Variants in RAPH1 observed in about 807,000 individuals in gnomAD.
The protein encoded by RAPH1 is Ras association (RalGDS/AF-6) and pleckstrin homology domains 1.
RAPH1 carries 18 observed loss-of-function variants against 88.1 expected under a neutral mutation model. The observed-to-expected ratio is 0.20, with a 90% CI of 0.14 to 0.30. RAPH1 has a LOEUF of 0.30. Ranked by LOEUF, RAPH1 falls within the 10% of genes least tolerant of loss-of-function variation. The probability of loss-of-function intolerance (pLI) is 1.00; values close to 1 mark genes in which losing one functional copy is unlikely to be tolerated. For synonymous variants in RAPH1, 587 were observed against 559.0 expected (o/e 1.05, Z -0.71); for missense variants, 1,448 against 1,543.2 (o/e 0.94, Z 1.03).
intron 5 of RAPH1, 60 bp downstream of exon 5, chr2:203,461,788 C>A: frequency 1.6e-6 from 2 of 1,278,976 alleles, no homozygotes; most frequent in Non-Finnish European, 2.2e-6. Flanking sequence ...CAAGGCAATT[C>A]TTCACAAATC....
At chr2:203,444,820 A>C in intron 13 of RAPH1, 48 bp downstream of exon 13, 1 of 1,586,844 alleles carries the variant, frequency 6.3e-7, no homozygotes, top group Non-Finnish European at 8.6e-7. Context: ...ATTTAAACCC[A>C]AAAGAATACC....
chr2:203,461,384 C>T lies in RAPH1; in HGVS notation c.835G>A (p.Asp279Asn). Reference sequence around the variant, plus strand: ...ACCATCATTGTTTTAGAACTGTCATCAGACATGTGGACTCTGATCACCAGC... The same window carrying T: ...ACCATCATTGTTTTAGAACTGTCATTAGACATGTGGACTCTGATCACCAGC... ...KKLVIRVHMS[D>N]DSSKTMMVDE... The change falls in exon 6 of 14, where the codon GAT (aspartate) becomes AAT (asparagine). Residue 279 changes from aspartate (D) to asparagine (N), a missense_variant. Asp to Asn is a conservative substitution (Grantham distance 23). Coordinates refer to ENST00000319170, the MANE Select transcript of RAPH1 (RefSeq NM_213589.3). 1.2e-6 allele frequency: 2 copies of T among 1,607,138 alleles called. No homozygotes were observed. Among genetic ancestry groups the T allele is most frequent in the East Asian group, 2.2e-5 (1 of 44,450 alleles).
intron 4 of RAPH1, among the ~76,000 whole-genome samples, chr2:203,483,696 T>G (rs966798065): frequency 4.6e-5 from 7 of 152,238 alleles, no homozygotes; most frequent in African/African-American, 1.7e-4. Flanking sequence ...GTGGGGAAGA[T>G]CCATCCTCAT....
chr2:203,438,144 C>T lies in RAPH1; in HGVS notation c.*1293G>A, dbSNP rs781512536. ...CCCACTCCATCAGAACACCTAGTAACCTGAACTAATCACAACCAGGCTGCA... is the reference window on the plus strand; with the variant it reads ...CCCACTCCATCAGAACACCTAGTAATCTGAACTAATCACAACCAGGCTGCA... On this transcript the variant is annotated 3_prime_UTR_variant, in exon 14 of 14. Coordinates refer to ENST00000319170, the MANE Select transcript of RAPH1 (RefSeq NM_213589.3). 1 of 518,810 alleles carries T rather than the reference C, an allele frequency of 1.9e-6. No individual in the cohort carries two copies. Among genetic ancestry groups the T allele is most frequent in the Non-Finnish European group, 3.8e-6 (1 of 259,844 alleles). The allele number at this position is 518,810 out of a possible 1,614,324, so 32.1% of individuals were successfully genotyped here.
chr2:203,473,450 T>C (rs1023919870), intron 4 of RAPH1, among the ~76,000 whole-genome samples: 1 of 152,104 alleles, frequency 6.6e-6, no homozygotes, highest in East Asian at 1.9e-4. Flanking sequence ...GAGAGTAAAT[T>C]ATGTAGTTTT....
intron 4 of RAPH1, among the ~76,000 whole-genome samples, chr2:203,476,468 G>A (rs1287095742): frequency 1.3e-5 from 2 of 152,066 alleles, no homozygotes; most frequent in South Asian, 2.1e-4. Context: ...AACACACCCG[G>A]CCACGAGATT....
At chr2:203,457,819 A>C (rs929023792) in intron 7 of RAPH1, among the ~76,000 whole-genome samples, 1 of 152,198 alleles carries the variant, frequency 6.6e-6, no homozygotes, top group Non-Finnish European at 1.5e-5. Context: ...TTGCCTGTCC[A>C]CTTGTCATAA....
chr2:203,534,194 T>C (rs1480254671), intron 1 of RAPH1, among the ~76,000 whole-genome samples: 1 of 152,172 alleles, frequency 6.6e-6, no homozygotes, highest in Non-Finnish European at 1.5e-5. Context: ...CCCTGAGAAA[T>C]GCTGCAGACA....
chr2:203,440,664 C>T lies in RAPH1; in HGVS notation c.2526G>A (p.Lys842=), dbSNP rs1431177697. 15 of 1,479,584 alleles carry T rather than the reference C, an allele frequency of 1.0e-5. No homozygotes were observed. The highest frequency in any genetic ancestry group is 2.0e-5 in the Admixed American group (1 of 48,936). 91.7% of individuals were successfully genotyped at this position (1,479,584 alleles called of 1,614,324 possible). A position where few individuals can be genotyped will look rare whatever the true frequency, so the allele number is the denominator to read the frequency against. Residue 842 remains lysine, a synonymous_variant, in exon 14 of 14, where the codon AAG becomes AAA. Coordinates refer to ENST00000319170, the MANE Select transcript of RAPH1 (RefSeq NM_213589.3). ...GGGGTTTTGCACAGAAGCTCTGTTG[C>T]TTGGGTAATGTTGGCGGGGGTACTG... is the stretch of plus-strand genomic sequence containing the variant. ...PVPVPPPTLP[K]QQSFCAKPPP...
At chr2:203,468,622 AAACAG>A (rs2098530539) in intron 4 of RAPH1, among the ~76,000 whole-genome samples, 1 of 152,202 alleles carries the variant, frequency 6.6e-6, no homozygotes, top group African/African-American at 2.4e-5. Flanking sequence ...CTATCTTCAT[AAACAG>A]ACTGTGAGCT....
intron 9 of RAPH1, among the ~76,000 whole-genome samples, chr2:203,454,760 A>G (rs1289629072): frequency 6.6e-6 from 1 of 152,218 alleles, no homozygotes; most frequent in East Asian, 1.9e-4. Flanking sequence ...TTTGTCATTC[A>G]CAATGAACAC....
At chr2:203,496,528 G>C (rs1437681291) in intron 1 of RAPH1, among the ~76,000 whole-genome samples, 2 of 152,036 alleles carry the variant, frequency 1.3e-5, no homozygotes, top group African/African-American at 4.8e-5. Flanking sequence ...ATAAACACTA[G>C]CTTTGCTTAA....
chr2:203,533,670 T>C (rs1263966481), intron 1 of RAPH1, among the ~76,000 whole-genome samples: 1 of 152,094 alleles, frequency 6.6e-6, no homozygotes, highest in Non-Finnish European at 1.5e-5. Flanking sequence ...TCTCCTATTC[T>C]ATACCTCAAC....
intron 4 of RAPH1, among the ~76,000 whole-genome samples, chr2:203,478,582 C>T (rs559061269): frequency 1.9e-4 from 29 of 152,110 alleles, no homozygotes; most frequent in Admixed American, 3.3e-4. Context: ...CTCTGCCTTC[C>T]AGGTTCAAGC....
Position 203,440,412 on chromosome 2 carries a change from C to T in RAPH1, c.2778G>A (p.Val926=), listed in dbSNP as rs752170811. The T allele has an allele frequency of 1.9e-6, 3 of 1,557,558 alleles. No individual in the cohort carries two copies. The Admixed American group carries it at 5.7e-5, about 29-fold the overall frequency. Reference sequence around the variant, plus strand: ...CAGGTGATGGGGGTGGAGGAGGAAACACCAGGCTGCTTTCAGGAGGGGGAG... The same window carrying T: ...CAGGTGATGGGGGTGGAGGAGGAAATACCAGGCTGCTTTCAGGAGGGGGAG... ...FPPPPPESSL[V]FPPPPPSPVP... The change falls in exon 14 of 14, where the codon GTG becomes GTA. Residue 926 remains valine (V), a synonymous_variant. Coordinates refer to ENST00000319170, the MANE Select transcript of RAPH1 (RefSeq NM_213589.3).
Position 203,442,035 on chromosome 2 carries a change from G to T in RAPH1, c.1777-622C>A, listed in dbSNP as rs767209736. The T allele has an allele frequency of 6.3e-5, 99 of 1,576,644 alleles. No homozygotes were observed. The East Asian group carries it at 2.3e-3, about 36-fold the overall frequency. On this transcript the variant is annotated intron_variant, in intron 13 of 13. Transcript: ENST00000319170. ...ACAATTGCATCCAACATGCACAGAAGTCCAGCAATGCAGGTAAAGGGGGGA... is the reference window on the plus strand; with the variant it reads ...ACAATTGCATCCAACATGCACAGAATTCCAGCAATGCAGGTAAAGGGGGGA...
intron 1 of RAPH1, among the ~76,000 whole-genome samples, chr2:203,515,052 C>T (rs1410425102): frequency 6.6e-6 from 1 of 152,180 alleles, no homozygotes; most frequent in Non-Finnish European, 1.5e-5. Context: ...TGTGTACATA[C>T]ACTTTGAGGG....
chr2:203,504,085 T>G (rs1299016187), intron 1 of RAPH1, among the ~76,000 whole-genome samples: 1 of 152,182 alleles, frequency 6.6e-6, no homozygotes, highest in Non-Finnish European at 1.5e-5. Flanking sequence ...AAGTGCACAG[T>G]GCAAGCTGTC....
chr2:203,521,568 T>C (rs1689872043), intron 1 of RAPH1, among the ~76,000 whole-genome samples: 1 of 152,160 alleles, frequency 6.6e-6, no homozygotes, highest in African/African-American at 2.4e-5. Context: ...AACAATTGGC[T>C]ACTACTGGTG....
Sources: gnomAD v4.1 joint callset for allele counts (sites outside exome capture counted in the v4.1 genomes callset) on GRCh38, gnomAD v4.1.1 for gene constraint, MANE v1.5 for transcripts, NCBI Gene and HGNC (gene_info 2026-07-23, HGNC 2026-07-21) for gene names.